Variants in EN2 observed in about 807,000 individuals in gnomAD.
EN2 encodes the protein homeobox protein engrailed-2.
Under a neutral mutation model 25.0 loss-of-function variants are expected in EN2, and 7 were observed. The ratio of observed to expected loss-of-function variants is 0.28; its 90% confidence interval spans 0.16 to 0.53. The LOEUF (loss-of-function observed/expected upper bound fraction) is 0.53. Ranked by LOEUF, EN2 falls within the 20% of genes least tolerant of loss-of-function variation. The pLI, the probability that EN2 is intolerant of heterozygous loss-of-function variation, is 0.96. For missense variants in EN2, 524 were observed against 501.8 expected (o/e 1.04, Z -0.42); for synonymous variants, 277 against 243.3 (o/e 1.14, Z -1.29).
Position 155,462,487 on chromosome 7 carries a change from T to C in EN2, c.802T>C (p.Tyr268His). The change falls in exon 2 of 2, where the codon TAC becomes CAC. Residue 268 changes from tyrosine to histidine, a missense_variant. Tyr to His is a moderately conservative substitution (Grantham distance 83, BLOSUM62 2). Transcript: ENST00000297375. ...RLKAEFQTNR[Y>H]LTEQRRQSLA... The stretch of plus-strand genomic sequence containing the variant: ...CAAGGCCGAGTTCCAGACCAACAGG[T>C]ACCTGACGGAGCAGCGGCGCCAGAG... The C allele has an allele frequency of 6.2e-7, 1 of 1,614,138 alleles. No homozygotes were observed. The highest frequency in any genetic ancestry group is 8.5e-7 in the Non-Finnish European group (1 of 1,180,034).
Position 155,462,966 on chromosome 7 carries a change from C to CT in EN2, c.*286dup, listed in dbSNP as rs1267431275. 4 of 299,574 alleles carry CT rather than the reference C, an allele frequency of 1.3e-5. No homozygotes were observed. Among genetic ancestry groups the CT allele is most frequent in the Non-Finnish European group, 2.4e-5 (4 of 165,760 alleles). 18.6% of individuals were successfully genotyped at this position (299,574 alleles called of 1,614,324 possible). A position where few individuals can be genotyped will look rare whatever the true frequency, so the allele number is the denominator to read the frequency against. On this transcript the variant is annotated 3_prime_UTR_variant, in exon 2 of 2. Transcript: ENST00000297375. ...CGAAGGGGGCTGCTTAGGGTTTCAC[C>CT]TTTTTTTAATCCCCTAAGCTCCATT...
In EN2 at chr7:155,462,482, A is replaced by T; in HGVS notation, c.797A>T (p.Asn266Ile). 6.2e-7 allele frequency: 1 copy of T among 1,614,216 alleles called. No homozygotes were observed. Among genetic ancestry groups the T allele is most frequent in the Non-Finnish European group, 8.5e-7 (1 of 1,180,040 alleles). The change falls in exon 2 of 2, where the codon AAC (asparagine) becomes ATC (isoleucine). Residue 266 changes from asparagine to isoleucine, a missense_variant. Asn to Ile is a moderately radical substitution (Grantham distance 149). Transcript: ENST00000297375. ...LQRLKAEFQT[N>I]RYLTEQRRQS... Reference sequence around the variant, plus strand: ...AGGCTCAAGGCCGAGTTCCAGACCAACAGGTACCTGACGGAGCAGCGGCGC... The same window carrying T: ...AGGCTCAAGGCCGAGTTCCAGACCATCAGGTACCTGACGGAGCAGCGGCGC...
Position 155,460,731 on chromosome 7 carries a change from G to A in EN2, c.686-1640G>A, listed in dbSNP as rs566300820. On this transcript the variant is annotated intron_variant, in intron 1 of 1. Transcript: ENST00000297375. ...GTGCCCCATCCCCCACCACCGTTCC[G>A]GAGGGCCAACCCCATCTCCAAATCT... 3.2e-4 allele frequency among the ~76,000 whole-genome samples: 48 copies of A among 152,190 alleles called. 1 individual carries two copies. Among genetic ancestry groups the A allele is most frequent in the African/African-American group, 9.1e-4 (38 of 41,540 alleles).
In EN2 at chr7:155,462,718, C is replaced by T. The variant is rs1217945069; in HGVS notation, c.*31C>T. On this transcript the variant is annotated 3_prime_UTR_variant, in exon 2 of 2. Coordinates refer to ENST00000297375, the MANE Select transcript of EN2 (RefSeq NM_001427.4). ...GGGGCATGGAGGCCAGGTCTCAGTC[C>T]GCGCTAAACAATGCAATAATTTAAA... The T allele has an allele frequency of 6.1e-5, 94 of 1,533,032 alleles. No homozygotes were observed. The highest frequency in any genetic ancestry group is 3.4e-4 in the Middle Eastern group (2 of 5,904). The allele number at this position is 1,533,032 out of a possible 1,614,324, so 95.0% of individuals were successfully genotyped here. A position where few individuals can be genotyped will look rare whatever the true frequency, so the allele number is the denominator to read the frequency against.
chr7:155,459,445 G>A lies in EN2; in HGVS notation c.685+383G>A, dbSNP rs557136757. On this transcript the variant is annotated intron_variant, in intron 1 of 1. Transcript: ENST00000297375. Reference sequence around the variant, plus strand: ...TTTGGTGGGAACGTGGTGGCTGGAAGATGGGCCCGGAAGTGCACACTCTCA... The same window carrying A: ...TTTGGTGGGAACGTGGTGGCTGGAAAATGGGCCCGGAAGTGCACACTCTCA... Among the ~76,000 whole-genome samples, 14 of 152,300 alleles carry A rather than the reference G, an allele frequency of 9.2e-5. No individual in the cohort carries two copies. In the South Asian group the frequency reaches 2.9e-3, roughly 32 times the overall value.
At chr7:155,460,387 T>C (rs1217983093) in intron 1 of EN2, among the ~76,000 whole-genome samples, 37 of 152,136 alleles carry the variant, frequency 2.4e-4, no homozygotes, top group Admixed American at 2.4e-3. Flanking sequence ...AAAATATCCC[T>C]GCAAGATAAT....
Position 155,458,900 on chromosome 7 carries a change from G to T in EN2, c.523G>T (p.Gly175Cys). The T allele has an allele frequency of 6.7e-7, 1 of 1,498,492 alleles. No homozygotes were observed. Among genetic ancestry groups the T allele is most frequent in the South Asian group, 1.2e-5 (1 of 80,576 alleles). The allele number at this position is 1,498,492 out of a possible 1,614,324, so 92.8% of individuals were successfully genotyped here. Residue 175 changes from glycine to cysteine, a missense_variant, in exon 1 of 2, where the codon GGC becomes TGC. Gly to Cys is a radical substitution (Grantham distance 159, BLOSUM62 -3). Coordinates refer to ENST00000297375, the MANE Select transcript of EN2 (RefSeq NM_001427.4). ...CGCCAAGAAAGGCGGCGACCCCGGC[G>T]GCCCCCTGGACGGGTCGCTCAAGGC... is the stretch of plus-strand genomic sequence containing the variant. ...GGAKKGGDPGGPLDGSLKARG... is the reference protein window; with the variant it reads ...GGAKKGGDPGCPLDGSLKARG...
rs1795662678 is a variant in EN2 at position 155,458,926 on chromosome 7, C to T, written c.549C>T (p.Ala183=). Residue 183 remains alanine (A), a synonymous_variant, in exon 1 of 2, where the codon GCC becomes GCT. Transcript: ENST00000297375. The stretch of plus-strand genomic sequence containing the variant: ...GCCCCCTGGACGGGTCGCTCAAGGC[C>T]CGCGGCTTGGGCGGCGGCGACCTGT... ...PGGPLDGSLK[A]RGLGGGDLSV... is the part of the protein sequence containing the mutation. The T allele has an allele frequency of 6.6e-7, 1 of 1,517,424 alleles. No individual in the cohort carries two copies. The highest frequency in any genetic ancestry group is 8.8e-7 in the Non-Finnish European group (1 of 1,139,956). The allele number at this position is 1,517,424 out of a possible 1,614,324, so 94.0% of individuals were successfully genotyped here.
chr7:155,459,226 G>A (rs956180395), intron 1 of EN2, among the ~76,000 whole-genome samples, 164 bp downstream of exon 1: 1 of 152,344 alleles, frequency 6.6e-6, no homozygotes, highest in Middle Eastern at 3.4e-3. Context: ...GCCGGCCCGG[G>A]CAGCGGCCAG....
Position 155,458,663 on chromosome 7 carries a change from AG to A in EN2, c.290del (p.Gly97AlafsTer97). On this transcript the variant is annotated frameshift_variant, in exon 1 of 2. Coordinates refer to ENST00000297375, the MANE Select transcript of EN2 (RefSeq NM_001427.4). LOFTEE classifies it high-confidence loss of function. ...GTCCAGAGGG[R>X]GGGAGGEGGA... ...CTGCTGTGCGGGCGCGGGAGGAGGAAGGGGCGGCGGAGCCGGCGGCGAAGGC... is the reference window on the plus strand; with the variant it reads ...CTGCTGTGCGGGCGCGGGAGGAGGAAGGGCGGCGGAGCCGGCGGCGAAGGC... 1 of 1,381,236 alleles carries A rather than the reference AG, an allele frequency of 7.2e-7. No individual in the cohort carries two copies. The allele number at this position is 1,381,236 out of a possible 1,614,324, so 85.6% of individuals were successfully genotyped here.
In EN2 at chr7:155,458,144, G is replaced by A; in HGVS notation, c.-234G>A. ...CTCTGTTGAATCTCTCATCGTCTGG[G>A]CGAGCGGGGCGGCTCGTGGTGTTTC... On this transcript the variant is annotated 5_prime_UTR_variant, in exon 1 of 2. Transcript: ENST00000297375. The A allele has an allele frequency of 2.4e-6, 1 of 416,724 alleles. No individual in the cohort carries two copies. 25.8% of individuals were successfully genotyped at this position (416,724 alleles called of 1,614,324 possible). A position where few individuals can be genotyped will look rare whatever the true frequency, so the allele number is the denominator to read the frequency against.
chr7:155,461,244 G>A (rs1359448891), intron 1 of EN2, among the ~76,000 whole-genome samples: 3 of 152,232 alleles, frequency 2.0e-5, no homozygotes, highest in South Asian at 2.1e-4. Context: ...CCCTAAAGCC[G>A]ATTCATACAC....
Position 155,458,530 on chromosome 7 carries a change from C to A in EN2, c.153C>A (p.Pro51=). Residue 51 remains proline (P), a synonymous_variant, in exon 1 of 2, where the codon CCC becomes CCA. Transcript: ENST00000297375. ...DTGRRRALML[P]AVLQAPGNHQ... ...GGCGCCGGCGGGCTCTGATGCTGCC[C>A]GCGGTCCTGCAGGCGCCCGGCAACC... is the stretch of plus-strand genomic sequence containing the variant. 7.3e-7 allele frequency: 1 copy of A among 1,374,290 alleles called. No individual in the cohort carries two copies. The highest frequency in any genetic ancestry group is 1.9e-5 in the South Asian group (1 of 51,636). 85.1% of individuals were successfully genotyped at this position (1,374,290 alleles called of 1,614,324 possible). A position where few individuals can be genotyped will look rare whatever the true frequency, so the allele number is the denominator to read the frequency against.
intron 1 of EN2, 101 bp from the exon 2 acceptor site, chr7:155,462,270 G>T: frequency 2.2e-6 from 3 of 1,354,052 alleles, no homozygotes; most frequent in South Asian, 1.4e-5. Flanking sequence ...GGCCTTGGGC[G>T]AGTCACTTCC....
intron 1 of EN2, 72 bp downstream of exon 1, chr7:155,459,134 CG>C: frequency 6.9e-7 from 1 of 1,439,754 alleles, no homozygotes; most frequent in East Asian, 2.7e-5. Flanking sequence ...GGTGCTGGCG[CG>C]GGAACTTACC....
At position 155,459,103 on chromosome 7, in the gene EN2, AGGCCCGCGGAGCTGGGGG is replaced by A. The variant is rs1795666036; in HGVS notation, c.685+43_685+60del. The A allele has an allele frequency of 2.0e-6, 3 of 1,516,650 alleles. No individual in the cohort carries two copies. In the Admixed American group the frequency reaches 6.3e-5, roughly 32 times the overall value. The allele number at this position is 1,516,650 out of a possible 1,614,324, so 93.9% of individuals were successfully genotyped here. ...CCACGCGTCCCGGCTCGCCGCGGGGAGGCCCGCGGAGCTGGGGGGCGGTGCTGGCGCGGGAACTTACCG... is the reference window on the plus strand; with the variant it reads ...CCACGCGTCCCGGCTCGCCGCGGGGAGCGGTGCTGGCGCGGGAACTTACCG... On this transcript the variant is annotated intron_variant, in intron 1 of 1. Coordinates refer to ENST00000297375, the MANE Select transcript of EN2 (RefSeq NM_001427.4).
At chr7:155,460,055 G>C (rs1795677525) in intron 1 of EN2, among the ~76,000 whole-genome samples, 1 of 152,212 alleles carries the variant, frequency 6.6e-6, no homozygotes, top group Non-Finnish European at 1.5e-5. Context: ...CTATTTTGCG[G>C]GGGTCATTTG....
intron 1 of EN2, among the ~76,000 whole-genome samples, chr7:155,462,148 C>A (rs1292243462): frequency 6.6e-6 from 1 of 152,212 alleles, no homozygotes; most frequent in East Asian, 1.9e-4. Flanking sequence ...AGGCCTGCCC[C>A]ATAGTCCCAC....
In EN2 at chr7:155,463,502, C is replaced by CCT. The variant is rs1563076243; in HGVS notation, c.*816_*817dup. On this transcript the variant is annotated 3_prime_UTR_variant, in exon 2 of 2. Transcript: ENST00000297375. ...CTCCTCCTCCTTCCTTCCTCCTCCT[C>CCT]CTTCTCTTTCCTCCTCCTCCTCACC... is the stretch of plus-strand genomic sequence containing the variant. 0.01 allele frequency: 1,546 copies of CCT among 153,210 alleles called. 36 individuals are homozygous for CCT. The highest frequency in any genetic ancestry group is 0.036 in the African/African-American group (1,481 of 41,484). 9.5% of individuals were successfully genotyped at this position (153,210 alleles called of 1,614,324 possible).
Sources: gnomAD v4.1 joint callset for allele counts (sites outside exome capture counted in the v4.1 genomes callset) on GRCh38, gnomAD v4.1.1 for gene constraint, MANE v1.5 for transcripts, NCBI Gene and HGNC (gene_info 2026-07-23, HGNC 2026-07-21) for gene names.